The following TTLL11 variants were observed in gnomAD, a reference collection of about 807,000 sequenced individuals.
The protein encoded by TTLL11 is tubulin polyglutamylase TTLL11.
Under a neutral mutation model 51.7 loss-of-function variants are expected in TTLL11, and 42 were observed. The observed-to-expected ratio is 0.81, with a 90% CI of 0.64 to 1.05. The LOEUF is 1.05. TTLL11 is among the 50% of genes least tolerant of loss of function. TTLL11 has a pLI of 0.00. For synonymous variants in TTLL11, 381 were observed against 383.5 expected (o/e 0.99, Z 0.08); for missense variants, 799 against 940.4 (o/e 0.85, Z 1.97).
At chr9:122,025,755 T>C (rs1844312960) in intron 3 of TTLL11, among the ~76,000 whole-genome samples, 3 of 152,212 alleles carry the variant, frequency 2.0e-5, no homozygotes, top group African/African-American at 7.2e-5. Flanking sequence ...TAAAATTAAA[T>C]ATGCACCTAC....
intron 8 of TTLL11, among the ~76,000 whole-genome samples, chr9:121,826,485 A>ATATATATG (rs1564260291): frequency 0.011 from 799 of 73,146 alleles, 12 homozygotes; most frequent in Middle Eastern, 0.023. Flanking sequence ...ATATATGTAT[A>ATATATATG]TATATATATG....
chr9:121,911,307 G>T (rs1840108541), intron 6 of TTLL11, among the ~76,000 whole-genome samples: 5 of 152,150 alleles, frequency 3.3e-5, no homozygotes, highest in Admixed American at 3.3e-4. Context: ...TGAGGCTGGA[G>T]AATCGCTTGA....
chr9:121,887,769 G>T (rs577606181), intron 6 of TTLL11, among the ~76,000 whole-genome samples: 1 of 152,274 alleles, frequency 6.6e-6, no homozygotes, highest in East Asian at 1.9e-4. Flanking sequence ...TGCCTCCCCC[G>T]CAGCAAGCTG....
intron 1 of TTLL11, among the ~76,000 whole-genome samples, chr9:122,082,958 C>T (rs940924240): frequency 1.3e-5 from 2 of 152,086 alleles, no homozygotes; most frequent in African/African-American, 4.8e-5. Flanking sequence ...GGTTTGAGCC[C>T]AGGAGGTGGA....
intron 6 of TTLL11, among the ~76,000 whole-genome samples, chr9:121,908,544 C>G (rs13291194): frequency 0.22 from 33,465 of 152,138 alleles, 4,468 homozygotes; most frequent in African/African-American, 0.36. Context: ...TTTTGACAGC[C>G]CTGCGCTGGG....
At chr9:121,949,261 T>G (rs1037805055) in intron 6 of TTLL11, among the ~76,000 whole-genome samples, 8 of 152,230 alleles carry the variant, frequency 5.3e-5, no homozygotes, top group African/African-American at 1.9e-4. Flanking sequence ...TGTACCAGGC[T>G]TGGGATAAAA....
At chr9:122,053,615 A>G (rs910658743) in intron 1 of TTLL11, among the ~76,000 whole-genome samples, 10 of 152,096 alleles carry the variant, frequency 6.6e-5, no homozygotes, top group African/African-American at 2.2e-4. Flanking sequence ...ACCATAAGGA[A>G]GCTGACCTAG....
At chr9:122,011,410 T>C (rs2131748809) in intron 3 of TTLL11, among the ~76,000 whole-genome samples, 1 of 152,308 alleles carries the variant, frequency 6.6e-6, no homozygotes, top group African/African-American at 2.4e-5. Context: ...AGAAAAAAAG[T>C]ATATAATGTA....
In TTLL11 at chr9:121,917,201, C is replaced by CT. The variant is rs1008483662; in HGVS notation, c.1482-46454dup. Among the ~76,000 whole-genome samples, 59 of 152,134 alleles carry CT rather than the reference C, an allele frequency of 3.9e-4. 1 individual carries two copies. The highest frequency in any genetic ancestry group is 1.3e-3 in the African/African-American group (56 of 41,496). ...AGTAGAGGGTGGCTGCACATGGTGGCTCATGCCTATAATCCCAGTGCTTTT... is the reference window on the plus strand; with the variant it reads ...AGTAGAGGGTGGCTGCACATGGTGGCTTCATGCCTATAATCCCAGTGCTTTT... On this transcript the variant is annotated intron_variant, in intron 6 of 8. Transcript: ENST00000321582.
At chr9:121,855,163 C>T (rs1336530008) in intron 8 of TTLL11, among the ~76,000 whole-genome samples, 1 of 152,036 alleles carries the variant, frequency 6.6e-6, no homozygotes, top group African/African-American at 2.4e-5. Flanking sequence ...TTTGCGGATG[C>T]TTATTCCATT....
At chr9:122,090,750 T>G (rs1359722346) in intron 1 of TTLL11, among the ~76,000 whole-genome samples, 3 of 152,180 alleles carry the variant, frequency 2.0e-5, no homozygotes, top group Admixed American at 6.5e-5. Flanking sequence ...TACATTCTAG[T>G]GAGGGAAACG....
chr9:121,997,770 A>T (rs1843322495), intron 3 of TTLL11, among the ~76,000 whole-genome samples: 1 of 151,970 alleles, frequency 6.6e-6, no homozygotes, highest in Non-Finnish European at 1.5e-5. Context: ...GCTCATTCCA[A>T]CCTACTTGGA....
intron 1 of TTLL11, among the ~76,000 whole-genome samples, chr9:122,091,936 T>C (rs759676460): frequency 1.3e-5 from 2 of 152,148 alleles, no homozygotes; most frequent in Non-Finnish European, 2.9e-5. Context: ...TACTGACACA[T>C]GCCGTAAGCC....
rs957158889 is a variant in TTLL11 at position 121,890,869 on chromosome 9, T to G, written c.1482-20121A>C. ...AAACTCTCTGGCCTGGTCAAGCCCT[T>G]GACTTTGGGTCCCTCTCTGGCCCCA... is the stretch of plus-strand genomic sequence containing the variant. On this transcript the variant is annotated intron_variant, in intron 6 of 8. Coordinates refer to ENST00000321582, the MANE Select transcript of TTLL11 (RefSeq NM_001139442.2). The surrounding 1 kb of genome is among the most constrained non-coding windows in gnomAD (Gnocchi z 4.3). Among the ~76,000 whole-genome samples, 2 of 152,216 alleles carry G rather than the reference T, an allele frequency of 1.3e-5. No individual in the cohort carries two copies. The highest frequency in any genetic ancestry group is 2.9e-5 in the Non-Finnish European group (2 of 68,050).
At chr9:121,891,742 G>T (rs1839241600) in intron 6 of TTLL11, among the ~76,000 whole-genome samples, 1 of 151,942 alleles carries the variant, frequency 6.6e-6, no homozygotes, top group South Asian at 2.1e-4. Context: ...GGCTCAGAGA[G>T]GTTGTCTAAC....
intron 6 of TTLL11, among the ~76,000 whole-genome samples, chr9:121,887,934 G>A (rs928035258): frequency 2.0e-5 from 3 of 152,150 alleles, no homozygotes; most frequent in African/African-American, 4.8e-5. Flanking sequence ...CCCAGTGGGG[G>A]TCTGGAGTGA....
intron 6 of TTLL11, among the ~76,000 whole-genome samples, chr9:121,961,641 T>C (rs1842227514): frequency 6.6e-6 from 1 of 152,210 alleles, no homozygotes; most frequent in Non-Finnish European, 1.5e-5. Flanking sequence ...GCTTTAAGCA[T>C]AGATGCTAGA....
At chr9:122,021,660 T>A (rs1844184140) in intron 3 of TTLL11, among the ~76,000 whole-genome samples, 2 of 152,218 alleles carry the variant, frequency 1.3e-5, no homozygotes, top group South Asian at 4.2e-4. Context: ...ATCTTGAAAA[T>A]CTTGAAATAG....
At chr9:122,073,532 A>C (rs1845782621) in intron 1 of TTLL11, among the ~76,000 whole-genome samples, 1 of 152,226 alleles carries the variant, frequency 6.6e-6, no homozygotes, top group South Asian at 2.1e-4. Context: ...AGGAGCATCA[A>C]CCCAAGGTGG....
Sources: allele counts gnomAD v4.1 joint callset (sites outside exome capture counted in the v4.1 genomes callset), GRCh38; gene constraint gnomAD v4.1.1; non-coding constraint Gnocchi (gnomAD v3.1); transcripts MANE v1.5; gene names NCBI Gene and HGNC (gene_info 2026-07-23, HGNC 2026-07-21).